Variants in PPARG observed in about 807,000 individuals in gnomAD.
The protein encoded by PPARG is peroxisome proliferator-activated receptor gamma.
A neutral mutation model predicts 39.2 loss-of-function variants in PPARG; 17 were observed. That is an observed-to-expected ratio of 0.43 (90% confidence interval 0.30 to 0.65). The LOEUF is 0.65. Among genes scored for constraint, PPARG ranks in the 30% least tolerant of loss-of-function variants. The probability of loss-of-function intolerance (pLI) is 0.13; values close to 1 mark genes in which losing one functional copy is unlikely to be tolerated. For synonymous variants in PPARG, 223 were observed against 215.7 expected (o/e 1.03, Z -0.30); for missense variants, 406 against 585.9 (o/e 0.69, Z 3.17).
At chr3:12,312,623 A>G (rs1182626732) in intron 2 of PPARG, among the ~76,000 whole-genome samples, 170 bp downstream of exon 2, 1 of 152,236 alleles carries the variant, frequency 6.6e-6, no homozygotes, top group Non-Finnish European at 1.5e-5. Flanking sequence ...GCAGTGTAAC[A>G]TATTTGTCTA....
intron 2 of PPARG, among the ~76,000 whole-genome samples, chr3:12,365,324 G>C (rs905672287): frequency 2.0e-5 from 3 of 152,162 alleles, no homozygotes; most frequent in Non-Finnish European, 4.4e-5. Flanking sequence ...CTCCCCATCT[G>C]TGGCTTGTTT....
intron 2 of PPARG, among the ~76,000 whole-genome samples, chr3:12,336,353 G>T (rs2048013440): frequency 6.6e-6 from 1 of 152,088 alleles, no homozygotes. Flanking sequence ...CTAACGTTAA[G>T]CTTCCTGTCT....
intron 2 of PPARG, among the ~76,000 whole-genome samples, chr3:12,363,374 T>G (rs890967669): frequency 1.3e-5 from 2 of 152,246 alleles, no homozygotes; most frequent in African/African-American, 4.8e-5. Flanking sequence ...GAGATCTGGC[T>G]GTATCTGTTT....
At chr3:12,346,329 A>C (rs1392124422) in intron 2 of PPARG, among the ~76,000 whole-genome samples, 1 of 152,246 alleles carries the variant, frequency 6.6e-6, no homozygotes, top group African/African-American at 2.4e-5. Flanking sequence ...CAGAACATGA[A>C]TAAGTATGCA....
chr3:12,427,893 A>C (rs1468398393), intron 7 of PPARG, among the ~76,000 whole-genome samples: 1 of 152,218 alleles, frequency 6.6e-6, no homozygotes, highest in Non-Finnish European at 1.5e-5. Context: ...GCTGCCCTGC[A>C]ATCACATTTG....
chr3:12,387,550 C>A (rs1191995316), intron 4 of PPARG, among the ~76,000 whole-genome samples: 1 of 152,006 alleles, frequency 6.6e-6, no homozygotes, highest in Non-Finnish European at 1.5e-5. Context: ...TATCCCTTAC[C>A]CACTTTTTGA....
chr3:12,369,962 C>T (rs1420655602), intron 2 of PPARG, among the ~76,000 whole-genome samples: 1 of 152,178 alleles, frequency 6.6e-6, no homozygotes, highest in East Asian at 1.9e-4. Context: ...TGCATTTTCT[C>T]TAGGCTGCTC....
At chr3:12,358,946 G>C (rs1214093943) in intron 2 of PPARG, among the ~76,000 whole-genome samples, 1 of 152,118 alleles carries the variant, frequency 6.6e-6, no homozygotes, top group Non-Finnish European at 1.5e-5. Flanking sequence ...TTTTTCTTGG[G>C]ATTTCAATAT....
intron 2 of PPARG, among the ~76,000 whole-genome samples, chr3:12,352,189 A>T (rs1461350543): frequency 6.6e-6 from 1 of 152,244 alleles, no homozygotes; most frequent in Non-Finnish European, 1.5e-5. Context: ...GTAAATTCCC[A>T]GAGTGTAGGA....
intron 1 of PPARG, among the ~76,000 whole-genome samples, chr3:12,289,735 A>G (rs1429416268): frequency 6.6e-6 from 1 of 152,194 alleles, no homozygotes; most frequent in Non-Finnish European, 1.5e-5. Context: ...TGGCATGGAC[A>G]TTCACTGTGG....
At chr3:12,344,733 A>G (rs566612954) in intron 2 of PPARG, 1 of 152,332 alleles carries the variant, frequency 6.6e-6, no homozygotes, top group African/African-American at 2.4e-5. Context: ...TTGCTTTATT[A>G]AAGTGTCATG....
intron 1 of PPARG, among the ~76,000 whole-genome samples, chr3:12,298,724 A>G (rs2046856242): frequency 6.6e-6 from 1 of 152,234 alleles, no homozygotes. Context: ...TCAGCTAACA[A>G]TATTTAGTTT....
chr3:12,320,995 A>G (rs2047526501), intron 2 of PPARG, among the ~76,000 whole-genome samples: 1 of 152,252 alleles, frequency 6.6e-6, no homozygotes, highest in East Asian at 1.9e-4. Context: ...GTTTGGGAAA[A>G]GCATTAAGCT....
chr3:12,429,653 G>A (rs1194999368), intron 7 of PPARG, among the ~76,000 whole-genome samples: 1 of 151,958 alleles, frequency 6.6e-6, no homozygotes, highest in Admixed American at 6.6e-5. Context: ...CCCAGGCTGA[G>A]TGGTCCCAGC....
chr3:12,322,347 C>T (rs905667566), intron 2 of PPARG, among the ~76,000 whole-genome samples: 2 of 152,180 alleles, frequency 1.3e-5, no homozygotes, highest in African/African-American at 4.8e-5. Context: ...GTAGTTATTG[C>T]ACTACCTTTA....
At chr3:12,322,701 G>A (rs1315100154) in intron 2 of PPARG, among the ~76,000 whole-genome samples, 1 of 152,190 alleles carries the variant, frequency 6.6e-6, no homozygotes, top group African/African-American at 2.4e-5. Flanking sequence ...ACTTGGTCTG[G>A]GAGGTATTGG....
chr3:12,416,862 G>A lies in PPARG; in HGVS notation c.888G>A (p.Glu296=). Residue 296 remains glutamate (E), a synonymous_variant, in exon 7 of 8, where the codon GAG becomes GAA. Coordinates refer to ENST00000651735, the MANE Select transcript of PPARG (RefSeq NM_138711.6). ...TGGAGGCTGTGCAGGAGATCACAGA[G>A]TATGCCAAAAGCATTCCTGGTTTTG... The part of the protein sequence containing the change: ...RSVEAVQEIT[E]YAKSIPGFVN... 1.2e-6 allele frequency: 2 copies of A among 1,614,122 alleles called. No individual in the cohort carries two copies. Among genetic ancestry groups the A allele is most frequent in the Non-Finnish European group, 1.7e-6 (2 of 1,180,010 alleles).
intron 5 of PPARG, among the ~76,000 whole-genome samples, chr3:12,397,138 G>A (rs956656888): frequency 8.6e-5 from 13 of 151,420 alleles, no homozygotes; most frequent in Non-Finnish European, 1.6e-4. Flanking sequence ...TGCTGACTAG[G>A]ATGTCTTATT....
At chr3:12,401,495 C>G (rs1559525830) in intron 5 of PPARG, among the ~76,000 whole-genome samples, 1 of 152,072 alleles carries the variant, frequency 6.6e-6, no homozygotes, top group Non-Finnish European at 1.5e-5. Flanking sequence ...CTTCCTGTGC[C>G]TCCTCTCATC....
Sources: allele counts gnomAD v4.1 joint callset (sites outside exome capture counted in the v4.1 genomes callset), GRCh38; gene constraint gnomAD v4.1.1; transcripts MANE v1.5; gene names NCBI Gene and HGNC (gene_info 2026-07-23, HGNC 2026-07-21).